Variants in IPO8 observed in about 807,000 individuals in gnomAD.
The protein encoded by IPO8 is importin-8.
Under a neutral mutation model 141.2 loss-of-function variants are expected in IPO8, and 65 were observed. The ratio of observed to expected loss-of-function variants is 0.46; its 90% CI spans 0.38 to 0.57. The LOEUF is 0.57. Ranked by LOEUF, IPO8 falls within the 20% of genes least tolerant of loss-of-function variation. The pLI is 0.00. For missense variants in IPO8, 980 were observed against 1,246.8 expected (o/e 0.79, Z 3.22); for synonymous variants, 411 against 420.3 (o/e 0.98, Z 0.27).
At position 30,661,275 on chromosome 12, in the gene IPO8, A is replaced by G; in HGVS notation, c.1756-9T>C. 1 of 1,577,530 alleles carries G rather than the reference A, an allele frequency of 6.3e-7. No homozygotes were observed. On this transcript the variant is annotated splice_polypyrimidine_tract_variant and intron_variant, in intron 15 of 24. Transcript: ENST00000256079. ...TTGCCAAATATCTCAGCCTATGAAA[A>G]TAACATTAAAGTATTCCGCAATTAG...
rs1361229336 is a variant in IPO8, at chr12:30,630,191, GAGAGA to G, written c.*664_*668del. On this transcript the variant is annotated 3_prime_UTR_variant, in exon 25 of 25. Coordinates refer to ENST00000256079, the MANE Select transcript of IPO8 (RefSeq NM_006390.4). ...ACCCCTTTTCAAGGCAGAAAAAAAT[GAGAGA>G]AGAGGGAGTAAGACACTTCTTTAAA... is the stretch of plus-strand genomic sequence containing the variant. The G allele has an allele frequency of 7.6e-6, 1 of 131,146 alleles. No homozygotes were observed. Among genetic ancestry groups the G allele is most frequent in the Non-Finnish European group, 1.7e-5 (1 of 57,226 alleles). 8.1% of individuals were successfully genotyped at this position (131,146 alleles called of 1,614,324 possible).
rs1361009204 is a variant in IPO8 at position 30,674,571 on chromosome 12, T to C, written c.824+88A>G. On this transcript the variant is annotated intron_variant, in intron 7 of 24. Coordinates refer to ENST00000256079, the MANE Select transcript of IPO8 (RefSeq NM_006390.4). The stretch of plus-strand genomic sequence containing the variant: ...AAGCTACTTTAAACAGAGTGACTCT[T>C]GGCTCTCGGTGGCTCTAAAGACAGA... The C allele has an allele frequency of 6.3e-6, 6 of 952,528 alleles. No individual in the cohort carries two copies. In the African/African-American group the frequency reaches 9.7e-5, roughly 15 times the overall value. 59.0% of individuals were successfully genotyped at this position (952,528 alleles called of 1,614,324 possible). A position where few individuals can be genotyped will look rare whatever the true frequency, so the allele number is the denominator to read the frequency against.
intron 11 of IPO8, 71 bp downstream of exon 11, chr12:30,666,104 G>A (rs2052961222): frequency 1.1e-6 from 1 of 951,110 alleles, no homozygotes; most frequent in South Asian, 1.7e-5. Flanking sequence ...TCAAATACTA[G>A]GGATATACTA....
chr12:30,650,301 C>G (rs2052707938), intron 19 of IPO8, among the ~76,000 whole-genome samples: 1 of 151,868 alleles, frequency 6.6e-6, no homozygotes, highest in Non-Finnish European at 1.5e-5. Context: ...CATTCTCTCC[C>G]AAAATGCTAT....
In IPO8 at chr12:30,684,338, T is replaced by C. The variant is rs1284259749; in HGVS notation, c.286A>G (p.Ile96Val). The change falls in exon 3 of 25, where the codon ATT (isoleucine) becomes GTT (valine). Residue 96 changes from isoleucine (I) to valine (V), a missense_variant. Physicochemically the swap from Ile to Val is conservative, Grantham distance 29 (BLOSUM62 3). Coordinates refer to ENST00000256079, the MANE Select transcript of IPO8 (RefSeq NM_006390.4). ...GGAGACCGAATTATTCCTTCCACAA[T>C]GTTATCACGTATTTGCTGGCGATCG... ...ENDRQQIRDN[I>V]VEGIIRSPDL... 1 of 1,614,128 alleles carries C rather than the reference T, an allele frequency of 6.2e-7. No homozygotes were observed. Among genetic ancestry groups the C allele is most frequent in the Admixed American group, 1.7e-5 (1 of 60,028 alleles).
chr12:30,640,916 T>G (rs995839172), intron 20 of IPO8, among the ~76,000 whole-genome samples: 2 of 152,216 alleles, frequency 1.3e-5, no homozygotes, highest in Non-Finnish European at 2.9e-5. Context: ...CTAATTACCC[T>G]GATCAGATCA....
intron 15 of IPO8, among the ~76,000 whole-genome samples, chr12:30,661,949 G>A (rs547051173): frequency 3.2e-4 from 48 of 152,020 alleles, no homozygotes; most frequent in East Asian, 7.7e-4. Context: ...GTCATGCATC[G>A]CTTAACATGG....
chr12:30,637,268 T>C lies in IPO8; in HGVS notation c.2490-81A>G, dbSNP rs1280654363. On this transcript the variant is annotated intron_variant, in intron 21 of 24. Transcript: ENST00000256079. Reference sequence around the variant, plus strand: ...ATTCTGGAGAAACTACAAAAAGAAATGTCCAAGGCATACTCTAAGGTTCAT... The same window carrying C: ...ATTCTGGAGAAACTACAAAAAGAAACGTCCAAGGCATACTCTAAGGTTCAT... The C allele has an allele frequency of 7.8e-6, 8 of 1,025,832 alleles. No individual in the cohort carries two copies. In the Admixed American group the frequency reaches 9.0e-5, roughly 12 times the overall value. The allele number at this position is 1,025,832 out of a possible 1,614,324, so 63.5% of individuals were successfully genotyped here.
Position 30,659,253 on chromosome 12 carries a change from G to A in IPO8, c.1881+1888C>T, listed in dbSNP as rs1227222506. On this transcript the variant is annotated intron_variant, in intron 16 of 24. Transcript: ENST00000256079. ...GCCTATAATCCCAGCACTTTCAGAA[G>A]CCAAGGCGGGCATATCACTTCAGGT... 1.2e-4 allele frequency among the ~76,000 whole-genome samples: 18 copies of A among 152,102 alleles called. 1 individual carries two copies. The highest frequency in any genetic ancestry group is 1.2e-3 in the Admixed American group (18 of 15,278).
intron 10 of IPO8, among the ~76,000 whole-genome samples, chr12:30,666,745 G>A (rs1744909717): frequency 6.6e-6 from 1 of 152,096 alleles, no homozygotes; most frequent in Non-Finnish European, 1.5e-5. Flanking sequence ...CAGAGTATGG[G>A]GTGCTAGTTT....
chr12:30,659,102 G>A (rs1055995333), intron 16 of IPO8, among the ~76,000 whole-genome samples: 4 of 151,940 alleles, frequency 2.6e-5, no homozygotes, highest in Non-Finnish European at 4.4e-5. Context: ...GGATGGTCTC[G>A]ATCTCCTGAC....
chr12:30,685,475 T>C (rs373255507), intron 2 of IPO8, among the ~76,000 whole-genome samples: 6 of 150,950 alleles, frequency 4.0e-5, no homozygotes, highest in Admixed American at 6.6e-5. Context: ...AGTTGAACAG[T>C]GAATGTAAGT....
rs574319566 is a variant in IPO8, at chr12:30,691,847, T to C, written c.85-1270A>G. Among the ~76,000 whole-genome samples the C allele has an allele frequency of 1.3e-4, 20 of 152,336 alleles. No homozygotes were observed. The South Asian group carries it at 4.1e-3, about 32-fold the overall frequency. ...TATTAATCTTTTTCATCCAAGAACA[T>C]TGTGCTTTCCCAATCTTTCTATATC... is the stretch of plus-strand genomic sequence containing the variant. On this transcript the variant is annotated intron_variant, in intron 1 of 24. Coordinates refer to ENST00000256079, the MANE Select transcript of IPO8 (RefSeq NM_006390.4).
rs781142446 is a variant in IPO8 at position 30,632,051 on chromosome 12, A to C, written c.2900-40T>G. The C allele has an allele frequency of 8.2e-6, 11 of 1,343,640 alleles. No individual in the cohort carries two copies. The South Asian group carries it at 1.3e-4, about 16-fold the overall frequency. 83.2% of individuals were successfully genotyped at this position (1,343,640 alleles called of 1,614,324 possible). A position where few individuals can be genotyped will look rare whatever the true frequency, so the allele number is the denominator to read the frequency against. On this transcript the variant is annotated intron_variant, in intron 23 of 24. Coordinates refer to ENST00000256079, the MANE Select transcript of IPO8 (RefSeq NM_006390.4). ...GAGGAAAAGACAGGAGGGTACAGCG[A>C]CTATTAATTTACAGAACAAGTAGTA... is the stretch of plus-strand genomic sequence containing the variant.
chr12:30,690,865 T>A (rs529507718), intron 1 of IPO8, among the ~76,000 whole-genome samples: 48 of 152,316 alleles, frequency 3.2e-4, no homozygotes, highest in Non-Finnish European at 5.9e-4. Flanking sequence ...CAGCAGCATA[T>A]GGTAGTGTCC....
intron 9 of IPO8, among the ~76,000 whole-genome samples, 155 bp from the exon 10 acceptor site, chr12:30,669,437 T>C (rs1189200432): frequency 6.6e-6 from 1 of 152,204 alleles, no homozygotes; most frequent in Admixed American, 6.5e-5. Context: ...TTTACTATTA[T>C]AGTTCTTATT....
chr12:30,639,448 TAC>T, intron 21 of IPO8, 65 bp downstream of exon 21: 1 of 1,004,704 alleles, frequency 1.0e-6, no homozygotes, highest in Non-Finnish European at 1.6e-6. Context: ...CATGCTATTA[TAC>T]ACAAATATTA....
At chr12:30,632,571 C>G (rs2052447906) in intron 23 of IPO8, among the ~76,000 whole-genome samples, 1 of 152,124 alleles carries the variant, frequency 6.6e-6, no homozygotes, top group African/African-American at 2.4e-5. Flanking sequence ...CCTTAACATC[C>G]CTGAGCATGC....
chr12:30,672,882 T>G (rs1034851272), intron 8 of IPO8, among the ~76,000 whole-genome samples: 2 of 152,174 alleles, frequency 1.3e-5, no homozygotes, highest in Middle Eastern at 3.4e-3. Flanking sequence ...TGATAACACA[T>G]AAACGGAAGT....
Sources: allele counts gnomAD v4.1 joint callset (sites outside exome capture counted in the v4.1 genomes callset), GRCh38; gene constraint gnomAD v4.1.1; transcripts MANE v1.5; gene names NCBI Gene and HGNC (gene_info 2026-07-23, HGNC 2026-07-21).